PDGFRA: variants seen among roughly 807,000 people sequenced by gnomAD.
The protein encoded by PDGFRA is platelet derived growth factor receptor alpha.
A neutral mutation model predicts 121.5 loss-of-function variants in PDGFRA; 25 were observed. That is an observed-to-expected ratio of 0.21 (90% CI 0.15 to 0.29). The LOEUF is 0.29. PDGFRA is among the 10% of genes least tolerant of loss of function. PDGFRA has a pLI of 1.00. For synonymous variants in PDGFRA, 463 were observed against 494.8 expected (o/e 0.94, Z 0.85); for missense variants, 1,008 against 1,345.1 (o/e 0.75, Z 3.92).
At chr4:54,265,759 G>A (rs1056984881) in intron 5 of PDGFRA, among the ~76,000 whole-genome samples, 2 of 152,158 alleles carry the variant, frequency 1.3e-5, no homozygotes, top group Non-Finnish European at 2.9e-5. Flanking sequence ...CACTAAGTGT[G>A]TAAGACAGCC....
chr4:54,233,773 A>T (rs1413668230), intron 1 of PDGFRA, among the ~76,000 whole-genome samples: 1 of 152,202 alleles, frequency 6.6e-6, no homozygotes, highest in Non-Finnish European at 1.5e-5. Context: ...CTTGGGGGGC[A>T]GGCGCCGTCT....
At chr4:54,247,911 A>T (rs1163307363) in intron 1 of PDGFRA, among the ~76,000 whole-genome samples, 1 of 152,218 alleles carries the variant, frequency 6.6e-6, no homozygotes, top group African/African-American at 2.4e-5. Flanking sequence ...AATCACAAGC[A>T]TTCTTATACA....
At chr4:54,271,981 CCCCTCCCCT>C (rs1723418912) in intron 8 of PDGFRA, among the ~76,000 whole-genome samples, 1 of 5,972 alleles carries the variant, frequency 1.7e-4, no homozygotes, top group African/African-American at 9.2e-4. Context: ...CCCTCCCCTC[CCCCTCCCCT>C]CCCCCCTCCC....
rs2110314930 is a variant in PDGFRA at position 54,278,378 on chromosome 4, C to T, written c.2019C>T (p.Ile673=). The T allele has an allele frequency of 6.2e-7, 1 of 1,613,446 alleles. No homozygotes were observed. The highest frequency in any genetic ancestry group is 2.2e-5 in the East Asian group (1 of 44,886). ...ACTKSGPIYI[I]TEYCFYGDLV... ...TCCCCATAGGCCCCATTTACATCAT[C>T]ACAGAGTATTGCTTCTATGGAGATT... The change falls in exon 15 of 23, where the codon ATC becomes ATT. Residue 673 remains isoleucine (I), a synonymous_variant. Transcript: ENST00000257290.
intron 1 of PDGFRA, among the ~76,000 whole-genome samples, chr4:54,249,759 C>T (rs1577689837): frequency 6.6e-6 from 1 of 151,486 alleles, no homozygotes; most frequent in Non-Finnish European, 1.5e-5. Flanking sequence ...ACATTGTGCG[C>T]ATGTACCCTA....
chr4:54,267,543 C>A lies in PDGFRA; in HGVS notation c.932-9C>A, dbSNP rs1387337097. 6.2e-7 allele frequency: 1 copy of A among 1,614,026 alleles called. No individual in the cohort carries two copies. The highest frequency in any genetic ancestry group is 1.7e-5 in the Admixed American group (1 of 60,010). On this transcript the variant is annotated splice_polypyrimidine_tract_variant and intron_variant, in intron 6 of 22. Coordinates refer to ENST00000257290, the MANE Select transcript of PDGFRA (RefSeq NM_006206.6). Reference sequence around the variant, plus strand: ...AATCATTATTTAATGGAAACTCTTCCCTGTACAGAGAAAGGTTTCATTGAA... The same window carrying A: ...AATCATTATTTAATGGAAACTCTTCACTGTACAGAGAAAGGTTTCATTGAA...
rs1184408825 is a variant in PDGFRA, at chr4:54,297,113, C to G, written c.*1841C>G. The G allele has an allele frequency of 8.6e-6, 2 of 233,128 alleles. No individual in the cohort carries two copies. Among genetic ancestry groups the G allele is most frequent in the Non-Finnish European group, 1.7e-5 (2 of 118,016 alleles). 14.4% of individuals were successfully genotyped at this position (233,128 alleles called of 1,614,324 possible). A position where few individuals can be genotyped will look rare whatever the true frequency, so the allele number is the denominator to read the frequency against. On this transcript the variant is annotated 3_prime_UTR_variant, in exon 23 of 23. Coordinates refer to ENST00000257290, the MANE Select transcript of PDGFRA (RefSeq NM_006206.6). Reference sequence around the variant, plus strand: ...GGTGGAAAAAACATTTTAAGTTTTACTGATAATTTGAGGTTAGATGGGAGG... The same window carrying G: ...GGTGGAAAAAACATTTTAAGTTTTAGTGATAATTTGAGGTTAGATGGGAGG...
rs776491556 is a variant in PDGFRA at position 54,263,791 on chromosome 4, T to G, written c.492T>G (p.Ser164Arg). The stretch of plus-strand genomic sequence containing the variant: ...AGACTCCTGTAACCTTACACAACAG[T>G]GAGGGGGTGGTACCTGCCTCCTACG... ...DPETPVTLHNSEGVVPASYDS... is the reference protein window; with the variant it reads ...DPETPVTLHNREGVVPASYDS... Residue 164 changes from serine (S) to arginine (R), a missense_variant, in exon 4 of 23, where the codon AGT (serine) becomes AGG (arginine). Physicochemically the swap from Ser to Arg is moderately radical, Grantham distance 110. This residue lies in a region of PDGFRA where 575 missense variants were observed against 701.8 expected (regional missense o/e 0.82). Coordinates refer to ENST00000257290, the MANE Select transcript of PDGFRA (RefSeq NM_006206.6). 3 of 1,614,122 alleles carry G rather than the reference T, an allele frequency of 1.9e-6. No individual in the cohort carries two copies. The highest frequency in any genetic ancestry group is 1.7e-5 in the Admixed American group (1 of 59,998).
chr4:54,294,028 G>A (rs1427700905), intron 22 of PDGFRA, among the ~76,000 whole-genome samples: 2 of 151,892 alleles, frequency 1.3e-5, no homozygotes, highest in Admixed American at 6.6e-5. Flanking sequence ...TATGTAGACA[G>A]CCCTTGTTTA....
chr4:54,270,471 G>A (rs753988851), intron 7 of PDGFRA, among the ~76,000 whole-genome samples, 162 bp from the exon 8 acceptor site: 17 of 152,010 alleles, frequency 1.1e-4, no homozygotes, highest in Non-Finnish European at 2.4e-4. Flanking sequence ...TTCAGTGTGT[G>A]CACTATATAT....
At chr4:54,255,333 G>A (rs536855691) in intron 1 of PDGFRA, among the ~76,000 whole-genome samples, 3 of 151,658 alleles carry the variant, frequency 2.0e-5, no homozygotes, top group Non-Finnish European at 4.4e-5. Context: ...CATTTTCCTG[G>A]TGGCATTCAA....
At chr4:54,267,969 C>T (rs1043773121) in intron 7 of PDGFRA, among the ~76,000 whole-genome samples, 1 of 152,120 alleles carries the variant, frequency 6.6e-6, no homozygotes, top group Non-Finnish European at 1.5e-5. Flanking sequence ...AAAGCTCTGG[C>T]CCCTGGGGAA....
chr4:54,267,328 C>G lies in PDGFRA; in HGVS notation c.799C>G (p.Pro267Ala). The change falls in exon 6 of 23, where the codon CCA (proline) becomes GCA (alanine). Residue 267 changes from proline (P) to alanine (A), a missense_variant. Pro to Ala is a conservative substitution (Grantham distance 27). This residue lies in a region of PDGFRA where 575 missense variants were observed against 701.8 expected (regional missense o/e 0.82). Transcript: ENST00000257290. ...CACAATGCTGGAAGAAATCAAAGTCCCATCCATCAAATTGGTGTACACTTT... is the reference window on the plus strand; with the variant it reads ...CACAATGCTGGAAGAAATCAAAGTCGCATCCATCAAATTGGTGTACACTTT... ...GITMLEEIKV[P>A]SIKLVYTLTV... 6.2e-7 allele frequency: 1 copy of G among 1,614,158 alleles called. No individual in the cohort carries two copies. The highest frequency in any genetic ancestry group is 8.5e-7 in the Non-Finnish European group (1 of 1,180,008).
chr4:54,261,024 C>CCAA, intron 2 of PDGFRA, 71 bp from the exon 3 acceptor site: 1 of 1,356,350 alleles, frequency 7.4e-7, no homozygotes, highest in South Asian at 1.2e-5. Context: ...GCTACTGTTG[C>CCAA]TTCTCTCAGT....
At chr4:54,254,724 C>G (rs1181907227) in intron 1 of PDGFRA, among the ~76,000 whole-genome samples, 5 of 152,178 alleles carry the variant, frequency 3.3e-5, no homozygotes, top group African/African-American at 1.2e-4. Context: ...TAGAAGCACA[C>G]AAGTGTTACT....
chr4:54,251,287 T>G (rs1273608347), intron 1 of PDGFRA, among the ~76,000 whole-genome samples: 8 of 152,170 alleles, frequency 5.3e-5, no homozygotes. Context: ...TCCTTTCTGT[T>G]TTGCTTTTCA....
chr4:54,240,822 A>C (rs1721257724), intron 1 of PDGFRA, among the ~76,000 whole-genome samples: 1 of 152,202 alleles, frequency 6.6e-6, no homozygotes, highest in South Asian at 2.1e-4. Context: ...TTTGTCAGGG[A>C]AATAATTTGG....
At chr4:54,269,005 C>CA (rs1258621807) in intron 7 of PDGFRA, among the ~76,000 whole-genome samples, 1 of 152,096 alleles carries the variant, frequency 6.6e-6, no homozygotes, top group Non-Finnish European at 1.5e-5. Flanking sequence ...CAAAGATGAA[C>CA]ATGGTAGATG....
At chr4:54,259,178 G>T (rs1418483988) in intron 2 of PDGFRA, among the ~76,000 whole-genome samples, 1 of 152,148 alleles carries the variant, frequency 6.6e-6, no homozygotes, top group Non-Finnish European at 1.5e-5. Flanking sequence ...GTGGGAGGTG[G>T]CACATCTGTT....
Sources: gnomAD v4.1 joint callset for allele counts (sites outside exome capture counted in the v4.1 genomes callset) on GRCh38, gnomAD v4.1.1 for gene constraint, gnomAD v4.1.1 regional missense constraint, MANE v1.5 for transcripts, NCBI Gene and HGNC (gene_info 2026-07-23, HGNC 2026-07-21) for gene names.